THSD7B: variants seen among roughly 807,000 people sequenced by gnomAD.
The protein encoded by THSD7B is thrombospondin type-1 domain-containing protein 7B.
THSD7B carries 138 observed loss-of-function variants against 213.6 expected under a neutral mutation model. The observed-to-expected ratio is 0.65, with a 90% confidence interval of 0.56 to 0.74. THSD7B has a LOEUF of 0.74. THSD7B is among the 30% of genes least tolerant of loss of function. The pLI is 0.00. For synonymous variants in THSD7B, 742 were observed against 687.0 expected (o/e 1.08, Z -1.25); for missense variants, 1,931 against 1,991.5 (o/e 0.97, Z 0.58).
intron 15 of THSD7B, among the ~76,000 whole-genome samples, chr2:137,532,236 T>C (rs1680411807): frequency 6.6e-6 from 1 of 151,880 alleles, no homozygotes; most frequent in African/African-American, 2.4e-5. Flanking sequence ...ATCAAATGTA[T>C]TATGGTAGTT....
At chr2:137,531,754 C>G (rs1317770528) in intron 15 of THSD7B, among the ~76,000 whole-genome samples, 2 of 151,936 alleles carry the variant, frequency 1.3e-5, no homozygotes, top group East Asian at 3.9e-4. Flanking sequence ...ATCTGTGTGA[C>G]CCTTTCCCCT....
intron 20 of THSD7B, among the ~76,000 whole-genome samples, chr2:137,623,022 C>A (rs1351579159): frequency 6.6e-6 from 1 of 151,940 alleles, no homozygotes; most frequent in Non-Finnish European, 1.5e-5. Flanking sequence ...AGAGACACAA[C>A]AAAAAAAGAG....
chr2:137,576,921 G>A (rs575961356), intron 17 of THSD7B, among the ~76,000 whole-genome samples: 1 of 151,782 alleles, frequency 6.6e-6, no homozygotes, highest in Non-Finnish European at 1.5e-5. Context: ...TTATGTTTCA[G>A]GGAAGCAATT....
At chr2:137,649,195 T>C (rs1489343959) in intron 21 of THSD7B, among the ~76,000 whole-genome samples, 6 of 152,314 alleles carry the variant, frequency 3.9e-5, no homozygotes, top group South Asian at 2.1e-4. Flanking sequence ...ATGGGTAGTT[T>C]GCAAACATTT....
At chr2:136,981,041 G>T (rs11897328) in intron 2 of THSD7B, among the ~76,000 whole-genome samples, 11,167 of 121,454 alleles carry the variant, frequency 0.092, 608 homozygotes, top group African/African-American at 0.19. Context: ...GCCACAGTGG[G>T]AGCTGCTTCT....
chr2:136,818,527 C>T (rs1239264999), intron 1 of THSD7B, among the ~76,000 whole-genome samples: 4 of 151,298 alleles, frequency 2.6e-5, no homozygotes, highest in African/African-American at 9.7e-5. Flanking sequence ...TGCAGATGTA[C>T]CCTAAAACTT....
At chr2:137,051,237 T>C (rs893959182) in intron 2 of THSD7B, among the ~76,000 whole-genome samples, 2 of 152,212 alleles carry the variant, frequency 1.3e-5, no homozygotes, top group African/African-American at 4.8e-5. Flanking sequence ...GTGCACAGCA[T>C]TAACAGATAT....
At chr2:137,079,456 C>T (rs571830178) in intron 3 of THSD7B, among the ~76,000 whole-genome samples, 2 of 152,216 alleles carry the variant, frequency 1.3e-5, no homozygotes, top group African/African-American at 4.8e-5. Context: ...GTTAACTTTA[C>T]ATTCTAAAGT....
chr2:137,381,044 C>T (rs1685762543), intron 12 of THSD7B, among the ~76,000 whole-genome samples: 1 of 152,210 alleles, frequency 6.6e-6, no homozygotes, highest in South Asian at 2.1e-4. Flanking sequence ...AACTACCTGA[C>T]ACTCACCCTT....
In THSD7B at chr2:137,671,160, T is replaced by TAACA. The variant is rs934124647; in HGVS notation, c.4739+3300_4739+3303dup. On this transcript the variant is annotated intron_variant, in intron 27 of 27. Transcript: ENST00000409968. Reference sequence around the variant, plus strand: ...TGCTGCTGTTTCAGAAGTTTTATCCTAACATCCAAATACCTATCTGCATAT... The same window carrying TAACA: ...TGCTGCTGTTTCAGAAGTTTTATCCTAACAAACATCCAAATACCTATCTGCATAT... 1.6e-4 allele frequency among the ~76,000 whole-genome samples: 24 copies of TAACA among 151,620 alleles called. No individual in the cohort carries two copies. The South Asian group carries it at 4.6e-3, about 29-fold the overall frequency.
At chr2:137,575,749 C>A (rs1431078529) in intron 17 of THSD7B, among the ~76,000 whole-genome samples, 1 of 113,802 alleles carries the variant, frequency 8.8e-6, no homozygotes, top group African/African-American at 2.8e-5. Flanking sequence ...TATATTTTTA[C>A]TTTAACATGC....
chr2:136,940,015 T>A (rs973711820), intron 2 of THSD7B, among the ~76,000 whole-genome samples: 1 of 152,236 alleles, frequency 6.6e-6, no homozygotes, highest in African/African-American at 2.4e-5. Flanking sequence ...TCCTTCTGTA[T>A]GATAAATAGG....
At chr2:137,425,918 A>G (rs1291303052) in intron 14 of THSD7B, among the ~76,000 whole-genome samples, 1 of 152,188 alleles carries the variant, frequency 6.6e-6, no homozygotes, top group African/African-American at 2.4e-5. Context: ...AGATGGCTTG[A>G]TCTCATAGTA....
intron 2 of THSD7B, among the ~76,000 whole-genome samples, chr2:136,886,085 GA>G (rs1683711563): frequency 6.6e-6 from 1 of 152,148 alleles, no homozygotes; most frequent in South Asian, 2.1e-4. Flanking sequence ...AGGCATACTT[GA>G]GGACATGTGG....
intron 14 of THSD7B, among the ~76,000 whole-genome samples, chr2:137,425,902 G>T (rs970732354): frequency 6.6e-6 from 1 of 151,986 alleles, no homozygotes; most frequent in Non-Finnish European, 1.5e-5. Flanking sequence ...GACTGACCCT[G>T]TTTGCAGATG....
intron 14 of THSD7B, among the ~76,000 whole-genome samples, chr2:137,419,697 C>T (rs6706589): frequency 0.085 from 12,858 of 151,702 alleles, 1,163 homozygotes; most frequent in African/African-American, 0.22. Flanking sequence ...GGGGATCGAT[C>T]GGTGGAAAGC....
At chr2:137,604,785 A>G (rs1349074272) in intron 17 of THSD7B, among the ~76,000 whole-genome samples, 2 of 152,192 alleles carry the variant, frequency 1.3e-5, no homozygotes, top group African/African-American at 2.4e-5. Context: ...TGGGTACAAT[A>G]TAACTATTAC....
chr2:136,832,406 G>A (rs1255296960), intron 1 of THSD7B, among the ~76,000 whole-genome samples: 1 of 152,118 alleles, frequency 6.6e-6, no homozygotes, highest in African/African-American at 2.4e-5. Flanking sequence ...TGATGTCCCA[G>A]CTTATGCATT....
chr2:137,434,440 C>T (rs780905842), intron 14 of THSD7B, among the ~76,000 whole-genome samples: 16 of 152,186 alleles, frequency 1.1e-4, no homozygotes, highest in Non-Finnish European at 2.2e-4. Flanking sequence ...CAGGCACTAA[C>T]ATAGGTTTGT....
Sources: gnomAD v4.1 joint callset for allele counts (sites outside exome capture counted in the v4.1 genomes callset) on GRCh38, gnomAD v4.1.1 for gene constraint, MANE v1.5 for transcripts, NCBI Gene and HGNC (gene_info 2026-07-23, HGNC 2026-07-21) for gene names.